The following ZNF324 variants were observed in gnomAD, a reference collection of about 807,000 sequenced individuals.
The protein encoded by ZNF324 is zinc finger protein 324A.
ZNF324 carries 3 observed loss-of-function variants against 10.3 expected under a neutral mutation model. The ratio of observed to expected loss-of-function variants is 0.29; its 90% confidence interval spans 0.13 to 0.75. ZNF324 has a LOEUF of 0.75. Among genes scored for constraint, ZNF324 ranks in the 30% least tolerant of loss-of-function variants. The pLI, the probability that ZNF324 is intolerant of heterozygous loss-of-function variation, is 0.69. For synonymous variants in ZNF324, 430 were observed against 339.5 expected, an observed-to-expected ratio of 1.27 and a Z score of -2.93; for missense variants, 763 against 784.4, an observed-to-expected ratio of 0.97 and a Z score of 0.33.
In ZNF324 at chr19:58,472,631, G is replaced by C. The variant is rs2053047725; in HGVS notation, c.*477G>C. The C allele has an allele frequency of 6.3e-6, 1 of 157,520 alleles. No individual in the cohort carries two copies. Among genetic ancestry groups the C allele is most frequent in the East Asian group, 1.9e-4 (1 of 5,296 alleles). The allele number at this position is 157,520 out of a possible 1,614,324, so 9.8% of individuals were successfully genotyped here. On this transcript the variant is annotated 3_prime_UTR_variant, in exon 4 of 4. Coordinates refer to ENST00000196482, the MANE Select transcript of ZNF324 (RefSeq NM_014347.3). The stretch of plus-strand genomic sequence containing the variant: ...CCTCTGTTCATCCAAGACTTCCTAG[G>C]GGCCAGCCTAGCAGACAAGAGACCA...
At position 58,468,854 on chromosome 19, in the gene ZNF324, G is replaced by C. The variant is rs1467015620; in HGVS notation, c.-6-326G>C. On this transcript the variant is annotated intron_variant, in intron 1 of 3. Transcript: ENST00000196482. Reference sequence around the variant, plus strand: ...GATGGTGGGGGCAGAACCCAGGGAAGGAGGGTGAGTGTCTGAGGGACATCA... The same window carrying C: ...GATGGTGGGGGCAGAACCCAGGGAACGAGGGTGAGTGTCTGAGGGACATCA... 2.0e-5 allele frequency among the ~76,000 whole-genome samples: 3 copies of C among 152,168 alleles called. No individual in the cohort carries two copies. In the East Asian group the frequency reaches 5.8e-4, roughly 29 times the overall value.
At chr19:58,469,022 T>C (rs1218017425) in intron 1 of ZNF324, among the ~76,000 whole-genome samples, 158 bp from the exon 2 acceptor site, 3 of 152,056 alleles carry the variant, frequency 2.0e-5, no homozygotes, top group South Asian at 2.1e-4. Flanking sequence ...GAGATGTTTA[T>C]GCAATTTTTA....
Position 58,472,058 on chromosome 19 carries a change from T to C in ZNF324, c.1566T>C (p.Ser522=). The part of the protein sequence containing the change: ...SRASLHPQAR[S]VAGASSEGAP... ...CCAGCCTGCACCCCCAGGCCAGGTC[T>C]GTTGCCGGGGCATCATCAGAAGGTG... Residue 522 remains serine, a synonymous_variant, in exon 4 of 4, where the codon TCT becomes TCC. Coordinates refer to ENST00000196482, the MANE Select transcript of ZNF324 (RefSeq NM_014347.3). 4 of 1,604,990 alleles carry C rather than the reference T, an allele frequency of 2.5e-6. No homozygotes were observed. Among genetic ancestry groups the C allele is most frequent in the East Asian group, 2.2e-5 (1 of 44,808 alleles).
rs375261252 is a variant in ZNF324 at position 58,471,035 on chromosome 19, G to A, written c.543G>A (p.Glu181=). The change falls in exon 4 of 4, where the codon GAG becomes GAA. Residue 181 remains glutamate, a synonymous_variant. Coordinates refer to ENST00000196482, the MANE Select transcript of ZNF324 (RefSeq NM_014347.3). ...GGCTTAGAGAAAAGACACTCACAGAGCATGCGTTGCTGGGGAGGCAGCCCA... is the reference window on the plus strand; with the variant it reads ...GGCTTAGAGAAAAGACACTCACAGAACATGCGTTGCTGGGGAGGCAGCCCA... ...GVRLREKTLT[E]HALLGRQPRT... The A allele has an allele frequency of 5.6e-6, 9 of 1,613,950 alleles. No homozygotes were observed. Among genetic ancestry groups the A allele is most frequent in the Non-Finnish European group, 7.6e-6 (9 of 1,180,048 alleles).
intron 2 of ZNF324, among the ~76,000 whole-genome samples, 181 bp from the exon 3 acceptor site, chr19:58,469,547 A>G (rs894520496): frequency 5.3e-5 from 8 of 152,250 alleles, no homozygotes; most frequent in Non-Finnish European, 7.3e-5. Context: ...CCCTGGGCAC[A>G]GTTGCTGCCC....
chr19:58,470,461 A>C (rs747903427), intron 3 of ZNF324: 2 of 590,518 alleles, frequency 3.4e-6, no homozygotes, highest in South Asian at 1.8e-5. Context: ...TATGCAGCAT[A>C]CAGCAGCCGC....
Position 58,469,420 on chromosome 19 carries a change from C to T in ZNF324, c.121+114C>T, listed in dbSNP as rs543518131. 2.1e-6 allele frequency: 3 copies of T among 1,408,264 alleles called. No individual in the cohort carries two copies. In the African/African-American group the frequency reaches 4.3e-5, roughly 20 times the overall value. The allele number at this position is 1,408,264 out of a possible 1,614,324, so 87.2% of individuals were successfully genotyped here. A position where few individuals can be genotyped will look rare whatever the true frequency, so the allele number is the denominator to read the frequency against. The stretch of plus-strand genomic sequence containing the variant: ...CAGGCCTATACCTTGCAGCCAGGAG[C>T]CATGTGGAATAGGGGTCTGGTCCTA... On this transcript the variant is annotated intron_variant, in intron 2 of 3. Transcript: ENST00000196482.
At position 58,471,192 on chromosome 19, in the gene ZNF324, C is replaced by T; in HGVS notation, c.700C>T (p.Leu234Phe). The change falls in exon 4 of 4, where the codon CTC (leucine) becomes TTC (phenylalanine). Residue 234 changes from leucine (L) to phenylalanine (F), a missense_variant. By Grantham distance (22) the Leu-to-Phe change is conservative. Transcript: ENST00000196482. ...TGCAGTTTGGCAGGAGCCTCATAGA[C>T]TCCTCGGTGGCCAGGAGCCCTCGAC... ...MGAVWQEPHRLLGGQEPSTWD... is the reference protein window; with the variant it reads ...MGAVWQEPHRFLGGQEPSTWD... 1 of 1,613,390 alleles carries T rather than the reference C, an allele frequency of 6.2e-7. No individual in the cohort carries two copies. The highest frequency in any genetic ancestry group is 8.5e-7 in the Non-Finnish European group (1 of 1,179,844).
At position 58,475,420 on chromosome 19, in the gene ZNF324, T is replaced by C. The variant is rs1188090420; in HGVS notation, c.*3266T>C. 1 of 152,226 alleles carries C rather than the reference T, an allele frequency of 6.6e-6. No homozygotes were observed. The highest frequency in any genetic ancestry group is 1.5e-5 in the Non-Finnish European group (1 of 68,038). 9.4% of individuals were successfully genotyped at this position (152,226 alleles called of 1,614,324 possible). On this transcript the variant is annotated 3_prime_UTR_variant, in exon 4 of 4. Coordinates refer to ENST00000196482, the MANE Select transcript of ZNF324 (RefSeq NM_014347.3). ...CCCAAATTCAAAGGTAAATAAACGG[T>C]TGAGCATGTCCGATCAGCCTGGAGG...
rs1214160947 is a variant in ZNF324, at chr19:58,472,780, A to G, written c.*626A>G. The G allele has an allele frequency of 6.6e-6, 1 of 152,348 alleles. No homozygotes were observed. The highest frequency in any genetic ancestry group is 2.4e-5 in the African/African-American group (1 of 41,458). 9.4% of individuals were successfully genotyped at this position (152,348 alleles called of 1,614,324 possible). A position where few individuals can be genotyped will look rare whatever the true frequency, so the allele number is the denominator to read the frequency against. On this transcript the variant is annotated 3_prime_UTR_variant, in exon 4 of 4. Coordinates refer to ENST00000196482, the MANE Select transcript of ZNF324 (RefSeq NM_014347.3). ...AGGTGGGGTCCTAATGAGAGCCAAC[A>G]CATGCTCACTGCCAGCTCCTGTCCT... is the stretch of plus-strand genomic sequence containing the variant.
At chr19:58,467,608 C>T (rs1483574624) in intron 1 of ZNF324, 1 of 152,448 alleles carries the variant, frequency 6.6e-6, no homozygotes, top group African/African-American at 2.4e-5. Context: ...CTCTCCCTGC[C>T]CTGGGGGGGT....
intron 2 of ZNF324, 25 bp from the exon 3 acceptor site, chr19:58,469,703 T>G: frequency 6.5e-7 from 1 of 1,550,138 alleles, no homozygotes; most frequent in Non-Finnish European, 8.8e-7. Context: ...GGGGCTGGAC[T>G]CTAACCTGCA....
chr19:58,469,124 A>C, intron 1 of ZNF324, 56 bp from the exon 2 acceptor site: 1 of 1,612,454 alleles, frequency 6.2e-7, no homozygotes, highest in South Asian at 1.1e-5. Context: ...GGGAAGCCAA[A>C]AGATTGGATA....
chr19:58,468,868 TG>T (rs1007317111), intron 1 of ZNF324, among the ~76,000 whole-genome samples: 1 of 152,072 alleles, frequency 6.6e-6, no homozygotes, highest in African/African-American at 2.4e-5. Flanking sequence ...GGTGAGTGTC[TG>T]AGGGACATCA....
chr19:58,468,298 T>C, intron 1 of ZNF324: 1 of 965,790 alleles, frequency 1.0e-6, no homozygotes, highest in Non-Finnish European at 1.2e-6. Flanking sequence ...CAGTTATGGC[T>C]TGAGGGTAAA....
At chr19:58,469,394 G>T in intron 2 of ZNF324, 88 bp downstream of exon 2, 1 of 1,543,988 alleles carries the variant, frequency 6.5e-7, no homozygotes. Context: ...TGGCTGACGA[G>T]CAGGCCTATA....
chr19:58,469,937 C>A (rs2122408848), intron 3 of ZNF324, 93 bp downstream of exon 3: 2 of 926,118 alleles, frequency 2.2e-6, no homozygotes, highest in Non-Finnish European at 3.3e-6. Context: ...CACCCTCCTC[C>A]CCTCCCTCCC....
At chr19:58,469,440 G>T in intron 2 of ZNF324, 134 bp downstream of exon 2, 1 of 1,247,028 alleles carries the variant, frequency 8.0e-7, no homozygotes, top group South Asian at 1.5e-5. Flanking sequence ...TAGGGGTCTG[G>T]TCCTATAGAC....
rs1019727537 is a variant in ZNF324, at chr19:58,474,058, C to G, written c.*1904C>G. On this transcript the variant is annotated 3_prime_UTR_variant, in exon 4 of 4. Coordinates refer to ENST00000196482, the MANE Select transcript of ZNF324 (RefSeq NM_014347.3). The stretch of plus-strand genomic sequence containing the variant: ...TATCCTGCCCTATACACAAAGAGCC[C>G]AGATCCAGGCCCCACACACTTGATA... 6.6e-6 allele frequency: 1 copy of G among 152,246 alleles called. No individual in the cohort carries two copies. Among genetic ancestry groups the G allele is most frequent in the African/African-American group, 2.4e-5 (1 of 41,464 alleles). 9.4% of individuals were successfully genotyped at this position (152,246 alleles called of 1,614,324 possible). A position where few individuals can be genotyped will look rare whatever the true frequency, so the allele number is the denominator to read the frequency against.
Sources: allele counts gnomAD v4.1 joint callset (sites outside exome capture counted in the v4.1 genomes callset), GRCh38; gene constraint gnomAD v4.1.1; transcripts MANE v1.5; gene names NCBI Gene and HGNC (gene_info 2026-07-23, HGNC 2026-07-21).